Variants in TCAIM observed in about 807,000 individuals in gnomAD.
TCAIM encodes the protein T-cell activation inhibitor, mitochondrial.
TCAIM carries 36 observed loss-of-function variants against 58.6 expected under a neutral mutation model. That is an observed-to-expected ratio of 0.61 (90% CI 0.47 to 0.81). The LOEUF (loss-of-function observed/expected upper bound fraction) is 0.81. Ranked by LOEUF, TCAIM falls within the 30% of genes least tolerant of loss-of-function variation. The probability of loss-of-function intolerance (pLI) is 0.00; values close to 1 mark genes in which losing one functional copy is unlikely to be tolerated. For synonymous variants in TCAIM, 172 were observed against 193.6 expected (o/e 0.89, Z 0.93); for missense variants, 466 against 579.6 (o/e 0.80, Z 2.01).
chr3:44,408,412 TAGA>T lies in TCAIM; in HGVS notation c.*733_*735del, dbSNP rs1428526440. 2.0e-5 allele frequency: 3 copies of T among 152,178 alleles called. No homozygotes were observed. The highest frequency in any genetic ancestry group is 4.4e-5 in the Non-Finnish European group (3 of 68,038). 9.4% of individuals were successfully genotyped at this position (152,178 alleles called of 1,614,324 possible). A position where few individuals can be genotyped will look rare whatever the true frequency, so the allele number is the denominator to read the frequency against. ...CACCAATTTTGCCCAAGAGAAAGAC[TAGA>T]AGGACTAAAAGCAGTTGAATGTATG... On this transcript the variant is annotated 3_prime_UTR_variant, in exon 11 of 11. Transcript: ENST00000342649.
Position 44,375,455 on chromosome 3 carries a change from A to T in TCAIM, c.572+7747A>T, listed in dbSNP as rs1040946683. On this transcript the variant is annotated intron_variant, in intron 5 of 10. Coordinates refer to ENST00000342649, the MANE Select transcript of TCAIM (RefSeq NM_173826.4). The stretch of plus-strand genomic sequence containing the variant: ...GCGCCAGGCTATTTTTAGCAATCAG[A>T]TCTTATGGAAACTAATAGTGAGAAG... Among the ~76,000 whole-genome samples the T allele has an allele frequency of 1.3e-5, 2 of 152,336 alleles. 1 individual carries two copies. The highest frequency in any genetic ancestry group is 1.3e-4 in the Admixed American group (2 of 15,296).
chr3:44,367,494 C>T lies in TCAIM; in HGVS notation c.358C>T (p.Leu120=). 1 of 1,613,358 alleles carries T rather than the reference C, an allele frequency of 6.2e-7. No homozygotes were observed. The change falls in exon 5 of 11, where the codon CTG becomes TTG. Residue 120 remains leucine, a synonymous_variant. Transcript: ENST00000342649. ...CAAATTTACTTTGCACACCAGAGAT[C>T]TGCTAAGCACAGTGTTATATATTCT... ...AVKFTLHTRD[L]LSTVLYILNS... is the part of the protein sequence containing the mutation.
At chr3:44,358,003 C>G (rs1369567755) in intron 3 of TCAIM, 127 bp downstream of exon 3, 6 of 1,381,152 alleles carry the variant, frequency 4.3e-6, no homozygotes, top group Non-Finnish European at 5.7e-6. Flanking sequence ...ATGCTTTGAA[C>G]TAATTTGAAA....
At chr3:44,357,094 A>G (rs1701208727) in intron 2 of TCAIM, among the ~76,000 whole-genome samples, 1 of 152,124 alleles carries the variant, frequency 6.6e-6, no homozygotes, top group South Asian at 2.1e-4. Context: ...ATAATTATCA[A>G]AATGTTTGCT....
intron 8 of TCAIM, among the ~76,000 whole-genome samples, chr3:44,400,117 AT>A (rs1372319018): frequency 2.0e-5 from 3 of 151,136 alleles, no homozygotes; most frequent in East Asian, 1.9e-4. Flanking sequence ...TTTGGAGCAT[AT>A]TTTTTTTTGG....
intron 3 of TCAIM, chr3:44,359,351 T>C (rs1701258129): frequency 6.6e-6 from 1 of 152,508 alleles, no homozygotes. Context: ...TACTGGGAAA[T>C]GAGCTCTGAG....
At chr3:44,377,805 A>AT (rs1410138394) in intron 5 of TCAIM, among the ~76,000 whole-genome samples, 1 of 152,218 alleles carries the variant, frequency 6.6e-6, no homozygotes, top group African/African-American at 2.4e-5. Context: ...AAATATACTT[A>AT]CTATGTTACC....
intron 9 of TCAIM, 48 bp downstream of exon 9, chr3:44,400,635 G>A (rs559658926): frequency 1.3e-6 from 2 of 1,497,698 alleles, no homozygotes; most frequent in South Asian, 2.3e-5. Context: ...CGTCTAGGTG[G>A]GTTGTGTGTG....
Position 44,400,438 on chromosome 3 carries a change from C to T in TCAIM, c.969C>T (p.Gly323=). The change falls in exon 9 of 11, where the codon GGC becomes GGT. Residue 323 remains glycine (G), a synonymous_variant. Transcript: ENST00000342649. ...LEDQISYLLG[G]IQVVYIEELQ... ...ACCAAATAAGCTATCTTTTAGGTGG[C>T]ATACAAGTTGTTTATATTGAAGAAT... 3 of 1,613,784 alleles carry T rather than the reference C, an allele frequency of 1.9e-6. No individual in the cohort carries two copies. Among genetic ancestry groups the T allele is most frequent in the Non-Finnish European group, 2.5e-6 (3 of 1,179,864 alleles).
intron 2 of TCAIM, 89 bp downstream of exon 2, chr3:44,354,900 C>A: frequency 2.8e-6 from 4 of 1,440,984 alleles, no homozygotes; most frequent in Middle Eastern, 1.8e-4. Flanking sequence ...TATTATTTTT[C>A]CAATTCTGAA....
intron 1 of TCAIM, chr3:44,340,419 G>A (rs1327577906): frequency 6.6e-6 from 1 of 152,158 alleles, no homozygotes; most frequent in Non-Finnish European, 1.5e-5. Context: ...GTTGTGAAGC[G>A]GCAGGCAGCC....
chr3:44,368,022 C>G (rs558900413), intron 5 of TCAIM: 3 of 257,870 alleles, frequency 1.2e-5, no homozygotes, highest in African/African-American at 6.7e-5. Context: ...AAGTTACCCC[C>G]GGTACATGGA....
intron 4 of TCAIM, chr3:44,363,173 A>G (rs189864773): frequency 1.3e-5 from 2 of 152,362 alleles, no homozygotes; most frequent in Admixed American, 6.5e-5. Context: ...AACTGAATTT[A>G]AAAGCTTAGT....
At chr3:44,375,498 G>A (rs1446179667) in intron 5 of TCAIM, among the ~76,000 whole-genome samples, 2 of 152,218 alleles carry the variant, frequency 1.3e-5, no homozygotes, top group Non-Finnish European at 2.9e-5. Context: ...TTACCATGAA[G>A]ATGACATGAA....
chr3:44,365,694 C>T (rs768801712), intron 4 of TCAIM, among the ~76,000 whole-genome samples: 4 of 152,182 alleles, frequency 2.6e-5, no homozygotes, highest in African/African-American at 7.2e-5. Context: ...CCCAAGAGAA[C>T]TTTCTGTGAT....
chr3:44,409,145 A>C lies in TCAIM; in HGVS notation c.*1463A>C, dbSNP rs1406342378. The C allele has an allele frequency of 6.6e-6, 1 of 152,218 alleles. No individual in the cohort carries two copies. Among genetic ancestry groups the C allele is most frequent in the Non-Finnish European group, 1.5e-5 (1 of 68,044 alleles). The allele number at this position is 152,218 out of a possible 1,614,324, so 9.4% of individuals were successfully genotyped here. On this transcript the variant is annotated 3_prime_UTR_variant, in exon 11 of 11. Coordinates refer to ENST00000342649, the MANE Select transcript of TCAIM (RefSeq NM_173826.4). The stretch of plus-strand genomic sequence containing the variant: ...CACTGATTTTAAAAGTTTACATTCA[A>C]ATGTGTATTCAAAAGAAGTACTGAT...
intron 5 of TCAIM, among the ~76,000 whole-genome samples, chr3:44,388,125 A>AT (rs1701774064): frequency 6.6e-6 from 1 of 151,980 alleles, no homozygotes; most frequent in African/African-American, 2.4e-5. Flanking sequence ...TTACCCCTAA[A>AT]TACCTAGGTT....
In TCAIM at chr3:44,357,882, CATTT is replaced by C. The variant is rs1701227658; in HGVS notation, c.165+15_165+18del. The C allele has an allele frequency of 6.2e-7, 1 of 1,611,910 alleles. No homozygotes were observed. ...GACAGCACCCCGTAGAAAGGGTAAA[CATTT>C]ATTTATTTTTAAACCATTAGTGTAC... On this transcript the variant is annotated splice_region_variant and intron_variant, in intron 3 of 10. Coordinates refer to ENST00000342649, the MANE Select transcript of TCAIM (RefSeq NM_173826.4).
chr3:44,389,029 C>T (rs143980104), intron 5 of TCAIM, among the ~76,000 whole-genome samples: 1,748 of 152,300 alleles, frequency 0.011, 18 homozygotes, highest in Non-Finnish European at 0.016. Flanking sequence ...CGGTGGCTTA[C>T]GCCTGTAATC....
Sources: gnomAD v4.1 joint callset for allele counts (sites outside exome capture counted in the v4.1 genomes callset) on GRCh38, gnomAD v4.1.1 for gene constraint, MANE v1.5 for transcripts, NCBI Gene and HGNC (gene_info 2026-07-23, HGNC 2026-07-21) for gene names.